G2E3: variants seen among roughly 807,000 people sequenced by gnomAD.
G2E3 encodes G2/M-phase specific E3 ubiquitin protein ligase.
Under a neutral mutation model 92.8 loss-of-function variants are expected in G2E3, and 35 were observed. That is an observed-to-expected ratio of 0.38 (90% CI 0.29 to 0.50). The LOEUF (loss-of-function observed/expected upper bound fraction) is 0.50. Ranked by LOEUF, G2E3 falls within the 20% of genes least tolerant of loss-of-function variation. The probability of loss-of-function intolerance (pLI) is 0.94; values close to 1 mark genes in which losing one functional copy is unlikely to be tolerated. For missense variants in G2E3, 554 were observed against 823.8 expected, an observed-to-expected ratio of 0.67 and a Z score of 4.01; for synonymous variants, 242 against 272.4, an observed-to-expected ratio of 0.89 and a Z score of 1.10.
Position 30,593,659 on chromosome 14 carries a change from A to C in G2E3, c.528+20A>C. The C allele has an allele frequency of 6.5e-7, 1 of 1,547,138 alleles. No homozygotes were observed. The highest frequency in any genetic ancestry group is 1.4e-5 in the African/African-American group (1 of 73,474). On this transcript the variant is annotated intron_variant, in intron 6 of 14. Coordinates refer to ENST00000206595, the MANE Select transcript of G2E3 (RefSeq NM_017769.5). ...TTACAGGTAAGATACATATTTTGTAAGCTTTCTCTGATTGATATAAAATTA... is the reference window on the plus strand; with the variant it reads ...TTACAGGTAAGATACATATTTTGTACGCTTTCTCTGATTGATATAAAATTA...
intron 1 of G2E3, among the ~76,000 whole-genome samples, chr14:30,575,906 A>G (rs1396547968): frequency 2.6e-5 from 4 of 152,236 alleles, no homozygotes; most frequent in Non-Finnish European, 5.9e-5. Flanking sequence ...ATGCTCATGT[A>G]TAGGAAGAAT....
chr14:30,585,406 A>G (rs1025117538), intron 2 of G2E3, among the ~76,000 whole-genome samples: 1 of 152,150 alleles, frequency 6.6e-6, no homozygotes, highest in African/African-American at 2.4e-5. Flanking sequence ...GTATTTGTTG[A>G]TGAGACTATT....
intron 1 of G2E3, among the ~76,000 whole-genome samples, chr14:30,573,880 G>A (rs777988139): frequency 9.2e-5 from 14 of 152,084 alleles, no homozygotes; most frequent in African/African-American, 1.9e-4. Flanking sequence ...ATATCTGGGC[G>A]TCCTGTGGCC....
chr14:30,569,957 C>T (rs748067364), intron 1 of G2E3, among the ~76,000 whole-genome samples: 52 of 152,124 alleles, frequency 3.4e-4, no homozygotes, highest in Non-Finnish European at 6.2e-4. Flanking sequence ...TTCACAATTA[C>T]GTTATAATAT....
rs1489032180 is a variant in G2E3, at chr14:30,560,933, C to T, written c.-5+1661C>T. 8.0e-6 allele frequency: 5 copies of T among 624,906 alleles called. No individual in the cohort carries two copies. The East Asian group carries it at 1.4e-4, about 17-fold the overall frequency. 38.7% of individuals were successfully genotyped at this position (624,906 alleles called of 1,614,324 possible). On this transcript the variant is annotated intron_variant, in intron 1 of 14. Coordinates refer to ENST00000206595, the MANE Select transcript of G2E3 (RefSeq NM_017769.5). The stretch of plus-strand genomic sequence containing the variant: ...TTGATTAAAGACATGGAACTGGGGC[C>T]AGATTGCCTTGGTTTGAAGCCCATC...
chr14:30,590,747 A>T, intron 4 of G2E3: 1 of 455,804 alleles, frequency 2.2e-6, no homozygotes, highest in Non-Finnish European at 4.4e-6. Context: ...TCTAAGGACT[A>T]CGTGAGATGT....
At chr14:30,609,030 T>C (rs1347605588) in intron 12 of G2E3, among the ~76,000 whole-genome samples, 1 of 152,208 alleles carries the variant, frequency 6.6e-6, no homozygotes, top group Non-Finnish European at 1.5e-5. Flanking sequence ...GAATGCCAAC[T>C]CTTATAACTA....
intron 2 of G2E3, among the ~76,000 whole-genome samples, chr14:30,581,444 C>A (rs963911561): frequency 6.6e-5 from 10 of 152,204 alleles, no homozygotes; most frequent in Admixed American, 2.0e-4. Flanking sequence ...CAGTGGCTCA[C>A]GCCTGCAATT....
intron 10 of G2E3, among the ~76,000 whole-genome samples, chr14:30,605,063 A>G (rs1371395306): frequency 6.6e-6 from 1 of 151,990 alleles, no homozygotes; most frequent in Non-Finnish European, 1.5e-5. Flanking sequence ...CGCCCAGCTT[A>G]TTTTGTATTT....
At chr14:30,609,893 C>T (rs985283303) in intron 12 of G2E3, among the ~76,000 whole-genome samples, 7 of 152,090 alleles carry the variant, frequency 4.6e-5, no homozygotes, top group Non-Finnish European at 1.0e-4. Context: ...TCAACCTTTC[C>T]TTCCTGTTTC....
At chr14:30,587,048 T>C (rs909807988) in intron 3 of G2E3, among the ~76,000 whole-genome samples, 9 of 152,194 alleles carry the variant, frequency 5.9e-5, no homozygotes, top group Admixed American at 5.9e-4. Context: ...TTTGTTTTTC[T>C]TTCTTTCTGT....
At chr14:30,596,411 G>A (rs577311486) in intron 6 of G2E3, among the ~76,000 whole-genome samples, 1 of 152,108 alleles carries the variant, frequency 6.6e-6, no homozygotes, top group African/African-American at 2.4e-5. Flanking sequence ...TACCTACCTA[G>A]CCTCTACTTA....
At chr14:30,564,626 G>C (rs1879323645) in intron 1 of G2E3, among the ~76,000 whole-genome samples, 1 of 152,146 alleles carries the variant, frequency 6.6e-6, no homozygotes, top group African/African-American at 2.4e-5. Context: ...GAGCCACCAT[G>C]CCCAGTCAAA....
intron 12 of G2E3, among the ~76,000 whole-genome samples, chr14:30,610,835 G>T (rs760653476): frequency 6.6e-6 from 1 of 152,154 alleles, no homozygotes; most frequent in African/African-American, 2.4e-5. Context: ...GTTCTGGCTT[G>T]TTGCCTGTTT....
At chr14:30,560,474 G>A (rs1340317723) in intron 1 of G2E3, 3 of 286,640 alleles carry the variant, frequency 1.0e-5, no homozygotes, top group Non-Finnish European at 1.9e-5. Context: ...TTAAGTGTTA[G>A]CCAGGAAGAA....
chr14:30,564,835 A>G (rs898591312), intron 1 of G2E3, among the ~76,000 whole-genome samples: 11 of 152,228 alleles, frequency 7.2e-5, no homozygotes, highest in African/African-American at 2.2e-4. Context: ...TTCTATGGAT[A>G]TACCACATTT....
chr14:30,586,822 A>G lies in G2E3; in HGVS notation c.135+7A>G. The G allele has an allele frequency of 2.2e-6, 2 of 909,830 alleles. No individual in the cohort carries two copies. The highest frequency in any genetic ancestry group is 2.2e-5 in the South Asian group (1 of 45,598). 56.4% of individuals were successfully genotyped at this position (909,830 alleles called of 1,614,324 possible). Reference sequence around the variant, plus strand: ...TGTACATTACTACTGTTTGGTGAGTATAATTTATAATTAAATTCTAGAAAT... The same window carrying G: ...TGTACATTACTACTGTTTGGTGAGTGTAATTTATAATTAAATTCTAGAAAT... On this transcript the variant is annotated splice_region_variant and intron_variant, in intron 3 of 14. Transcript: ENST00000206595.
chr14:30,596,269 G>C (rs1014739468), intron 6 of G2E3, among the ~76,000 whole-genome samples: 1 of 151,942 alleles, frequency 6.6e-6, no homozygotes, highest in Non-Finnish European at 1.5e-5. Context: ...TATATTCTGT[G>C]TATCCTTTTT....
intron 1 of G2E3, among the ~76,000 whole-genome samples, chr14:30,569,469 A>G (rs1879630502): frequency 6.6e-6 from 1 of 152,162 alleles, no homozygotes; most frequent in South Asian, 2.1e-4. Flanking sequence ...TGGAATCTTA[A>G]AAGTTTAATT....
Sources: gnomAD v4.1 joint callset for allele counts (sites outside exome capture counted in the v4.1 genomes callset) on GRCh38, gnomAD v4.1.1 for gene constraint, MANE v1.5 for transcripts, NCBI Gene and HGNC (gene_info 2026-07-23, HGNC 2026-07-21) for gene names.